Variants in SYN3 observed in about 807,000 individuals in gnomAD.
The protein encoded by SYN3 is synapsin-3.
Under a neutral mutation model 65.8 loss-of-function variants are expected in SYN3, and 35 were observed. That is an observed-to-expected ratio of 0.53 (90% CI 0.41 to 0.70). The LOEUF (loss-of-function observed/expected upper bound fraction) is 0.70, where lower values mean the gene tolerates loss of function less well. Ranked by LOEUF, SYN3 falls within the 30% of genes least tolerant of loss-of-function variation. The pLI is 0.00. For missense variants in SYN3, 680 were observed against 749.0 expected (o/e 0.91, Z 1.08); for synonymous variants, 270 against 292.9 (o/e 0.92, Z 0.80).
intron 8 of SYN3, 141 bp from the exon 9 acceptor site, chr22:32,538,251 G>A (rs549101919): frequency 1.5e-6 from 1 of 660,020 alleles, no homozygotes; most frequent in South Asian, 1.9e-5. Context: ...TACACACCTT[G>A]TCTTCAACTA....
intron 6 of SYN3, among the ~76,000 whole-genome samples, chr22:32,808,443 G>A (rs765595590): frequency 1.3e-5 from 2 of 152,322 alleles, no homozygotes; most frequent in South Asian, 2.1e-4. Flanking sequence ...CAAGAAGGAC[G>A]CTGGGGTCTC....
chr22:32,595,922 C>T (rs1042593324), intron 7 of SYN3, among the ~76,000 whole-genome samples: 3 of 152,122 alleles, frequency 2.0e-5, no homozygotes, highest in Non-Finnish European at 4.4e-5. Context: ...ACTAAAAATA[C>T]AAAAATTAGC....
At chr22:32,591,616 T>TTA (rs1455033545) in intron 7 of SYN3, among the ~76,000 whole-genome samples, 2 of 152,194 alleles carry the variant, frequency 1.3e-5, no homozygotes, top group Non-Finnish European at 2.9e-5. Context: ...TGAACTCTAT[T>TTA]ATCACCACGG....
At chr22:32,827,033 G>C (rs2047433021) in intron 6 of SYN3, among the ~76,000 whole-genome samples, 2 of 152,176 alleles carry the variant, frequency 1.3e-5, no homozygotes, top group African/African-American at 4.8e-5. Flanking sequence ...ACTGAGATTT[G>C]TTCACTGGAA....
chr22:32,907,696 G>C lies in SYN3; in HGVS notation c.461+23694C>G, dbSNP rs5754333. Among the ~76,000 whole-genome samples the C allele has an allele frequency of 5.3e-5, 8 of 152,274 alleles. No homozygotes were observed. In the East Asian group the frequency reaches 1.5e-3, roughly 29 times the overall value. On this transcript the variant is annotated intron_variant, in intron 4 of 13. Transcript: ENST00000358763. ...CCTGTTTCTGTAAATAGTTTTATTA[G>C]AGGGAAATAAAAAACAATAAAGAAG...
chr22:33,037,458 T>G (rs1316877450), intron 1 of SYN3, among the ~76,000 whole-genome samples: 2 of 152,242 alleles, frequency 1.3e-5, no homozygotes, highest in Admixed American at 6.5e-5. Context: ...AAGTATTTTA[T>G]TTCTCTGCTT....
intron 6 of SYN3, among the ~76,000 whole-genome samples, chr22:32,763,145 G>T (rs755489470): frequency 4.5e-4 from 4 of 8,900 alleles, no homozygotes; most frequent in African/African-American, 4.1e-3. Flanking sequence ...TCTATTTTTT[G>T]TTGTTGTTGT....
At chr22:32,763,106 A>G (rs4821097) in intron 6 of SYN3, among the ~76,000 whole-genome samples, 119,141 of 151,990 alleles carry the variant, frequency 0.78, 47,542 homozygotes, top group African/African-American at 0.94. Context: ...AGTGTAACAT[A>G]ACATATACAC....
chr22:32,805,713 C>T (rs1216569227), intron 6 of SYN3, among the ~76,000 whole-genome samples: 1 of 149,400 alleles, frequency 6.7e-6, no homozygotes, highest in African/African-American at 2.5e-5. Flanking sequence ...CTGTGCTTGT[C>T]CAAGGCCACC....
intron 4 of SYN3, among the ~76,000 whole-genome samples, chr22:32,918,157 G>T (rs1016543809): frequency 1.3e-5 from 2 of 152,260 alleles, no homozygotes; most frequent in Admixed American, 6.5e-5. Flanking sequence ...TTCATGCAAA[G>T]AGTCGGCTGG....
chr22:32,716,973 C>CA (rs1401026321), intron 6 of SYN3, among the ~76,000 whole-genome samples: 1 of 152,180 alleles, frequency 6.6e-6, no homozygotes, highest in Non-Finnish European at 1.5e-5. Context: ...TTCATCTCCA[C>CA]AAACTGAAAC....
rs371020769 is a variant in SYN3, at chr22:32,635,418, T to C, written c.712-38682A>G. Among the ~76,000 whole-genome samples the C allele has an allele frequency of 9.4e-4, 143 of 152,370 alleles. 2 individuals carry two copies. The highest frequency in any genetic ancestry group is 2.5e-3 in the South Asian group (12 of 4,832). ...GGTGGATGAGCATTCCCAGTGACTA[T>C]GATACAGGGAAATATTTACTCACAG... On this transcript the variant is annotated intron_variant, in intron 6 of 13. Coordinates refer to ENST00000358763, the MANE Select transcript of SYN3 (RefSeq NM_003490.4).
In SYN3 at chr22:33,041,040, G is replaced by A. The variant is rs936476246; in HGVS notation, c.-163+17252C>T. 3.3e-5 allele frequency among the ~76,000 whole-genome samples: 5 copies of A among 151,374 alleles called. No homozygotes were observed. The East Asian group carries it at 5.9e-4, about 18-fold the overall frequency. The stretch of plus-strand genomic sequence containing the variant: ...AGCGATTCTCCTGCCTCAGCCTCCC[G>A]AGTAGCTGGGATTACAGGCATGCGC... On this transcript the variant is annotated intron_variant, in intron 1 of 13. Coordinates refer to ENST00000358763, the MANE Select transcript of SYN3 (RefSeq NM_003490.4).
At chr22:32,598,711 C>T (rs2858728) in intron 6 of SYN3, among the ~76,000 whole-genome samples, 45,087 of 151,830 alleles carry the variant, frequency 0.3, 7,393 homozygotes, top group African/African-American at 0.43. Flanking sequence ...ATTTTGAACT[C>T]CTGACCTCAG....
chr22:32,902,597 T>G (rs940886413), intron 4 of SYN3, among the ~76,000 whole-genome samples: 5 of 152,218 alleles, frequency 3.3e-5, no homozygotes, highest in African/African-American at 1.2e-4. Context: ...ACCTTGCTAA[T>G]AAATGGTAGA....
intron 6 of SYN3, among the ~76,000 whole-genome samples, chr22:32,671,556 C>T (rs1316445157): frequency 7.2e-6 from 1 of 138,054 alleles, no homozygotes; most frequent in Non-Finnish European, 1.7e-5. Context: ...GGTGCACACA[C>T]ACACACATGC....
intron 11 of SYN3, among the ~76,000 whole-genome samples, chr22:32,528,564 A>G (rs1429336403): frequency 6.6e-6 from 1 of 152,208 alleles, no homozygotes; most frequent in African/African-American, 2.4e-5. Flanking sequence ...GCTCAGGCCC[A>G]GCACCGAGGG....
intron 4 of SYN3, among the ~76,000 whole-genome samples, chr22:32,876,140 C>T (rs549153462): frequency 2.0e-5 from 3 of 152,228 alleles, no homozygotes; most frequent in South Asian, 2.1e-4. Flanking sequence ...AGTCCAATAT[C>T]GAGGCACCAT....
rs4638893 is a variant in SYN3, at chr22:32,801,532, G to A, written c.711+63383C>T. 6.6e-6 allele frequency among the ~76,000 whole-genome samples: 1 copy of A among 152,302 alleles called. No individual in the cohort carries two copies. Among genetic ancestry groups the A allele is most frequent in the South Asian group, 2.1e-4 (1 of 4,834 alleles). On this transcript the variant is annotated intron_variant, in intron 6 of 13. Transcript: ENST00000358763. This position sits in a 1 kb window ranked among gnomAD's most constrained non-coding sequence, Gnocchi z 4.7. Reference sequence around the variant, plus strand: ...CATTATTCCCTATAAGGATCTGAACGATCCGGGGGCGGCCCCGCCCCGTTA... The same window carrying A: ...CATTATTCCCTATAAGGATCTGAACAATCCGGGGGCGGCCCCGCCCCGTTA...
Sources: allele counts gnomAD v4.1 joint callset (sites outside exome capture counted in the v4.1 genomes callset), GRCh38; gene constraint gnomAD v4.1.1; non-coding constraint Gnocchi (gnomAD v3.1); transcripts MANE v1.5; gene names NCBI Gene and HGNC (gene_info 2026-07-23, HGNC 2026-07-21).